The following LDLRAD3 variants were observed in gnomAD, a reference collection of about 807,000 sequenced individuals.
LDLRAD3 encodes low density lipoprotein receptor class A domain containing 3.
In LDLRAD3, 20 loss-of-function variants were observed where a neutral mutation model predicts 29.4. The observed-to-expected ratio is 0.68, with a 90% confidence interval of 0.48 to 0.99. The LOEUF is 0.99. Ranked by LOEUF, LDLRAD3 falls within the 50% of genes least tolerant of loss-of-function variation. The probability of loss-of-function intolerance (pLI) is 0.00; values close to 1 mark genes in which losing one functional copy is unlikely to be tolerated. For missense variants in LDLRAD3, 420 were observed against 454.3 expected (o/e 0.92, Z 0.69); for synonymous variants, 157 against 192.7 (o/e 0.81, Z 1.53).
intron 1 of LDLRAD3, among the ~76,000 whole-genome samples, chr11:35,985,185 T>C (rs1851598432): frequency 6.6e-6 from 1 of 152,176 alleles, no homozygotes; most frequent in Non-Finnish European, 1.5e-5. Flanking sequence ...CTCACCTTTG[T>C]TCCCTGAAGT....
chr11:35,970,099 T>A (rs991325406), intron 1 of LDLRAD3, among the ~76,000 whole-genome samples: 3 of 152,236 alleles, frequency 2.0e-5, no homozygotes, highest in Non-Finnish European at 2.9e-5. Flanking sequence ...CTCCGGGTAC[T>A]GTCCTTAGTG....
intron 2 of LDLRAD3, among the ~76,000 whole-genome samples, chr11:36,062,728 A>G (rs1387992060): frequency 6.6e-6 from 1 of 152,050 alleles, no homozygotes; most frequent in Non-Finnish European, 1.5e-5. Flanking sequence ...TTTGCTTGGC[A>G]CTTCTCGCTG....
Position 35,969,731 on chromosome 11 carries a change from T to C in LDLRAD3, c.46+25587T>C, listed in dbSNP as rs149444878. Among the ~76,000 whole-genome samples the C allele has an allele frequency of 6.1e-3, 934 of 152,286 alleles. 20 individuals carry two copies. The highest frequency in any genetic ancestry group is 0.022 in the African/African-American group (900 of 41,556). The stretch of plus-strand genomic sequence containing the variant: ...GATGTTGGAACCAGAGGTGCACACC[T>C]TGAGTAAACTCCTCTCTGCTTTCAA... On this transcript the variant is annotated intron_variant, in intron 1 of 5. Transcript: ENST00000315571.
At chr11:35,962,459 C>A (rs1211606626) in intron 1 of LDLRAD3, among the ~76,000 whole-genome samples, 1 of 152,206 alleles carries the variant, frequency 6.6e-6, no homozygotes, top group East Asian at 1.9e-4. Context: ...CCTCTGGGGC[C>A]GTCATCAGGA....
intron 4 of LDLRAD3, among the ~76,000 whole-genome samples, chr11:36,159,210 G>C (rs1854399030): frequency 6.6e-6 from 1 of 152,168 alleles, no homozygotes; most frequent in African/African-American, 2.4e-5. Context: ...GTTCATGGCT[G>C]TAATCCCAGC....
rs1458926737 is a variant in LDLRAD3 at position 36,152,678 on chromosome 11, C to T, written c.454+54217C>T. ...CATTTGCACAGATCAGCTTTTCTAACAGAAAGGTGTGCAGAAAAAAGTTGA... is the reference window on the plus strand; with the variant it reads ...CATTTGCACAGATCAGCTTTTCTAATAGAAAGGTGTGCAGAAAAAAGTTGA... On this transcript the variant is annotated intron_variant, in intron 4 of 5. Transcript: ENST00000315571. 2.0e-5 allele frequency among the ~76,000 whole-genome samples: 3 copies of T among 152,226 alleles called. No homozygotes were observed. In the East Asian group the frequency reaches 5.8e-4, roughly 29 times the overall value.
At chr11:36,024,969 G>C (rs1208096168) in intron 1 of LDLRAD3, among the ~76,000 whole-genome samples, 1 of 152,176 alleles carries the variant, frequency 6.6e-6, no homozygotes, top group Non-Finnish European at 1.5e-5. Flanking sequence ...TAGTAAGTTT[G>C]GTGGGTAAAT....
chr11:35,967,359 C>A, intron 1 of LDLRAD3: 1 of 226,346 alleles, frequency 4.4e-6, no homozygotes, highest in South Asian at 6.9e-5. Context: ...TGAGGAATGT[C>A]TGGGAAGTTA....
chr11:36,111,106 A>G (rs528802970), intron 4 of LDLRAD3, among the ~76,000 whole-genome samples: 1 of 152,276 alleles, frequency 6.6e-6, no homozygotes, highest in Admixed American at 6.5e-5. Context: ...GCAGGATCCA[A>G]TGAGAAGGTG....
intron 2 of LDLRAD3, among the ~76,000 whole-genome samples, chr11:36,061,541 T>C (rs1480822186): frequency 6.6e-6 from 1 of 152,182 alleles, no homozygotes; most frequent in Admixed American, 6.5e-5. Flanking sequence ...GCATGTCTTA[T>C]TGAGCTGCTA....
At chr11:36,116,905 A>T (rs1853682837) in intron 4 of LDLRAD3, among the ~76,000 whole-genome samples, 1 of 149,364 alleles carries the variant, frequency 6.7e-6, no homozygotes, top group Non-Finnish European at 1.5e-5. Flanking sequence ...TCAGTAGCGC[A>T]ATCTTGGGTC....
Position 36,092,960 on chromosome 11 carries a change from T to C in LDLRAD3, c.320-5367T>C, listed in dbSNP as rs74988206. Among the ~76,000 whole-genome samples, 819 of 152,318 alleles carry C rather than the reference T, an allele frequency of 5.4e-3. 7 individuals are homozygous for C. The highest frequency in any genetic ancestry group is 0.017 in the African/African-American group (724 of 41,572). ...TCTGTTTTTTCTGCCCTGCAAAGGATGGGGGAGATTACACTGTGTTTTATG... is the reference window on the plus strand; with the variant it reads ...TCTGTTTTTTCTGCCCTGCAAAGGACGGGGGAGATTACACTGTGTTTTATG... On this transcript the variant is annotated intron_variant, in intron 3 of 5. Transcript: ENST00000315571.
At chr11:36,188,112 A>G (rs920472277) in intron 4 of LDLRAD3, among the ~76,000 whole-genome samples, 7 of 152,156 alleles carry the variant, frequency 4.6e-5, no homozygotes, top group South Asian at 2.1e-4. Context: ...CATGCTTTCT[A>G]TGTTGAAAAG....
chr11:35,945,884 G>A (rs2942399), intron 1 of LDLRAD3, among the ~76,000 whole-genome samples: 18,761 of 152,136 alleles, frequency 0.12, 2,079 homozygotes, highest in African/African-American at 0.29. Flanking sequence ...GTGTACATCT[G>A]AGATAGGGCT....
chr11:36,164,768 C>T (rs1370110070), intron 4 of LDLRAD3, among the ~76,000 whole-genome samples: 1 of 152,182 alleles, frequency 6.6e-6, no homozygotes, highest in African/African-American at 2.4e-5. Flanking sequence ...AGAAGCTTTG[C>T]GAGCAGGCAG....
chr11:35,975,118 C>T (rs1482954459), intron 1 of LDLRAD3, among the ~76,000 whole-genome samples: 1 of 152,168 alleles, frequency 6.6e-6, no homozygotes, highest in Admixed American at 6.5e-5. Context: ...CATATGCTGC[C>T]TGCTGACTTC....
At chr11:36,148,898 A>G (rs1854235287) in intron 4 of LDLRAD3, among the ~76,000 whole-genome samples, 1 of 152,216 alleles carries the variant, frequency 6.6e-6, no homozygotes. Context: ...GTTTTGTAAC[A>G]GATGGTGGTG....
intron 4 of LDLRAD3, among the ~76,000 whole-genome samples, chr11:36,122,812 A>G (rs1011325608): frequency 6.6e-6 from 1 of 152,158 alleles, no homozygotes; most frequent in African/African-American, 2.4e-5. Flanking sequence ...TAAGCCCAGG[A>G]GTTCAATACC....
intron 4 of LDLRAD3, among the ~76,000 whole-genome samples, chr11:36,140,672 C>T (rs921829975): frequency 3.7e-4 from 57 of 152,112 alleles, no homozygotes; most frequent in African/African-American, 1.3e-3. Context: ...CTGCCCACTT[C>T]GGCCTCCCTA....
Sources: allele counts gnomAD v4.1 joint callset (sites outside exome capture counted in the v4.1 genomes callset), GRCh38; gene constraint gnomAD v4.1.1; transcripts MANE v1.5; gene names NCBI Gene and HGNC (gene_info 2026-07-23, HGNC 2026-07-21).